Variants in KCNH5 observed in about 807,000 individuals in gnomAD.
KCNH5 encodes voltage-gated delayed rectifier potassium channel KCNH5.
KCNH5 carries 46 observed loss-of-function variants against 96.1 expected under a neutral mutation model. That is an observed-to-expected ratio of 0.48 (90% CI 0.38 to 0.61). KCNH5 has a LOEUF of 0.61. Ranked by LOEUF, KCNH5 falls within the 20% of genes least tolerant of loss-of-function variation. The probability of loss-of-function intolerance (pLI) is 0.00; values close to 1 mark genes in which losing one functional copy is unlikely to be tolerated. For missense variants in KCNH5, 907 were observed against 1,225.8 expected, an observed-to-expected ratio of 0.74 and a Z score of 3.88; for synonymous variants, 439 against 449.8, an observed-to-expected ratio of 0.98 and a Z score of 0.30.
Position 62,799,724 on chromosome 14 carries a change from T to TACACAC in KCNH5, c.1822+2604_1822+2605insGTGTGT, listed in dbSNP as rs1409861114. On this transcript the variant is annotated intron_variant, in intron 9 of 10. Transcript: ENST00000322893. ...ATATATATATATATATATATATATA[T>TACACAC]ATACACACACACACACACACATATC... 2.1e-3 allele frequency among the ~76,000 whole-genome samples: 219 copies of TACACAC among 104,318 alleles called. 1 individual carries two copies. The highest frequency in any genetic ancestry group is 7.5e-3 in the African/African-American group (204 of 27,048). 68.4% of individuals were successfully genotyped at this position (104,318 alleles called of 152,430 possible).
At chr14:62,723,202 G>A (rs1429463510) in intron 10 of KCNH5, among the ~76,000 whole-genome samples, 1 of 152,076 alleles carries the variant, frequency 6.6e-6, no homozygotes, top group East Asian at 1.9e-4. Context: ...TCCAGCATGT[G>A]TATTTAAATA....
chr14:62,968,940 T>C (rs1217240681), intron 6 of KCNH5, among the ~76,000 whole-genome samples: 9 of 152,180 alleles, frequency 5.9e-5, no homozygotes, highest in Non-Finnish European at 7.3e-5. Context: ...TCTGAGCCTA[T>C]AGATGAAAGA....
rs368523696 is a variant in KCNH5 at position 63,045,229 on chromosome 14, G to T, written c.-43C>A. The T allele has an allele frequency of 3.6e-5, 54 of 1,479,726 alleles. No homozygotes were observed. In the African/African-American group the frequency reaches 4.8e-4, roughly 13 times the overall value. 91.7% of individuals were successfully genotyped at this position (1,479,726 alleles called of 1,614,324 possible). On this transcript the variant is annotated 5_prime_UTR_variant, in exon 1 of 11. Transcript: ENST00000322893. ...GCGGCCAGGATCCGCGGCGGGGGAG[G>T]GGGGGATGCAGGCAAAGAAGGTGGA...
intron 7 of KCNH5, among the ~76,000 whole-genome samples, chr14:62,874,094 C>T (rs1245097061): frequency 6.6e-6 from 1 of 152,134 alleles, no homozygotes; most frequent in Admixed American, 6.5e-5. Context: ...TAAAGTTTAC[C>T]TCCTGGACTT....
intron 4 of KCNH5, among the ~76,000 whole-genome samples, chr14:62,999,166 T>A (rs1890965110): frequency 6.6e-6 from 1 of 152,164 alleles, no homozygotes; most frequent in Non-Finnish European, 1.5e-5. Context: ...TGTAAAAGTG[T>A]TCCTATTTCT....
chr14:62,859,007 C>T (rs942970989), intron 7 of KCNH5, among the ~76,000 whole-genome samples: 1 of 152,148 alleles, frequency 6.6e-6, no homozygotes, highest in African/African-American at 2.4e-5. Flanking sequence ...GTGCCTTGGT[C>T]AGAGGCAATG....
chr14:62,774,497 T>C (rs974854322), intron 10 of KCNH5, among the ~76,000 whole-genome samples: 1 of 152,300 alleles, frequency 6.6e-6, no homozygotes, highest in East Asian at 1.9e-4. Context: ...AACAAATAGG[T>C]AAAATGGGAG....
chr14:62,910,918 C>T (rs1454438566), intron 7 of KCNH5, among the ~76,000 whole-genome samples: 1 of 140,966 alleles, frequency 7.1e-6, no homozygotes, highest in Non-Finnish European at 1.5e-5. Flanking sequence ...CACACACACA[C>T]ACACACACAC....
chr14:62,753,222 A>C (rs1885542370), intron 10 of KCNH5, among the ~76,000 whole-genome samples: 2 of 152,356 alleles, frequency 1.3e-5, no homozygotes, highest in South Asian at 4.1e-4. Flanking sequence ...TGATGAATGC[A>C]TCACAGTCTC....
chr14:63,003,627 T>A (rs1446050725), intron 3 of KCNH5, among the ~76,000 whole-genome samples: 6 of 130,062 alleles, frequency 4.6e-5, no homozygotes, highest in Admixed American at 1.7e-4. Context: ...TATATATATT[T>A]TTTTTTTTTT....
At chr14:63,045,062 C>T (rs1380372935) in intron 1 of KCNH5, 52 bp downstream of exon 1, 8 of 1,360,680 alleles carry the variant, frequency 5.9e-6, no homozygotes, top group South Asian at 1.2e-5. Context: ...GGATGGGGGG[C>T]GCGTGTGGGC....
rs118006141 is a variant in KCNH5, at chr14:62,705,538, C to T, written c.*1970G>A. 6.6e-6 allele frequency: 1 copy of T among 151,884 alleles called. No homozygotes were observed. Among genetic ancestry groups the T allele is most frequent in the African/African-American group, 2.4e-5 (1 of 41,390 alleles). 9.4% of individuals were successfully genotyped at this position (151,884 alleles called of 1,614,324 possible). ...TGTTTGTGGTAGGTAGATATTGTAGCATTACATGGAGACGTGTTCCCCTGA... is the reference window on the plus strand; with the variant it reads ...TGTTTGTGGTAGGTAGATATTGTAGTATTACATGGAGACGTGTTCCCCTGA... On this transcript the variant is annotated 3_prime_UTR_variant, in exon 11 of 11. Transcript: ENST00000322893.
intron 10 of KCNH5, among the ~76,000 whole-genome samples, chr14:62,769,367 T>C (rs977858410): frequency 6.6e-6 from 1 of 152,232 alleles, no homozygotes; most frequent in Non-Finnish European, 1.5e-5. Context: ...GAGTTATATC[T>C]ACACTCTGCT....
intron 7 of KCNH5, among the ~76,000 whole-genome samples, chr14:62,867,761 G>A (rs1888163075): frequency 6.6e-6 from 1 of 152,070 alleles, no homozygotes; most frequent in South Asian, 2.1e-4. Context: ...ACCAGGCACT[G>A]GCCCCATGGA....
intron 7 of KCNH5, among the ~76,000 whole-genome samples, chr14:62,893,521 C>T (rs890503145): frequency 1.3e-5 from 2 of 151,988 alleles, no homozygotes; most frequent in African/African-American, 4.8e-5. Context: ...TTTGGGAGGC[C>T]GAAGTAGGTG....
intron 7 of KCNH5, among the ~76,000 whole-genome samples, chr14:62,933,821 C>A (rs1244595268): frequency 1.3e-5 from 2 of 152,104 alleles, no homozygotes; most frequent in Non-Finnish European, 2.9e-5. Context: ...TCTGAATTAG[C>A]ACACAGATTA....
At chr14:62,868,752 G>T (rs1281821113) in intron 7 of KCNH5, among the ~76,000 whole-genome samples, 1 of 151,960 alleles carries the variant, frequency 6.6e-6, no homozygotes, top group African/African-American at 2.4e-5. Flanking sequence ...TGTTCTCATT[G>T]TTCAACTCCT....
At chr14:62,821,861 T>G (rs971169601) in intron 8 of KCNH5, among the ~76,000 whole-genome samples, 1 of 152,130 alleles carries the variant, frequency 6.6e-6, no homozygotes, top group African/African-American at 2.4e-5. Context: ...TTTGTGCCCA[T>G]GGCAGATCGA....
intron 8 of KCNH5, among the ~76,000 whole-genome samples, chr14:62,841,399 C>T (rs1437983084): frequency 6.6e-6 from 1 of 152,142 alleles, no homozygotes; most frequent in African/African-American, 2.4e-5. Context: ...TCAATCAAGG[C>T]AGCTCAGAAT....
Sources: gnomAD v4.1 joint callset for allele counts (sites outside exome capture counted in the v4.1 genomes callset) on GRCh38, gnomAD v4.1.1 for gene constraint, MANE v1.5 for transcripts, NCBI Gene and HGNC (gene_info 2026-07-23, HGNC 2026-07-21) for gene names.